The following GPD2 variants were observed in gnomAD, a reference collection of about 807,000 sequenced individuals.
GPD2 encodes the protein glycerol-3-phosphate dehydrogenase 2.
GPD2 carries 54 observed loss-of-function variants against 82.4 expected under a neutral mutation model. The observed-to-expected ratio is 0.66, with a 90% CI of 0.53 to 0.82. The LOEUF is 0.82. GPD2 is among the 40% of genes least tolerant of loss of function. The pLI is 0.00. For synonymous variants in GPD2, 288 were observed against 306.1 expected, an observed-to-expected ratio of 0.94 and a Z score of 0.62; for missense variants, 748 against 896.2, an observed-to-expected ratio of 0.83 and a Z score of 2.11.
At chr2:156,489,417 A>G (rs1329897345) in intron 2 of GPD2, among the ~76,000 whole-genome samples, 4 of 152,088 alleles carry the variant, frequency 2.6e-5, no homozygotes, top group Admixed American at 2.0e-4. Context: ...GCTAATGCCT[A>G]TTACTTTTTC....
chr2:156,552,442 C>T (rs138696122), intron 8 of GPD2, among the ~76,000 whole-genome samples: 3 of 152,224 alleles, frequency 2.0e-5, no homozygotes, highest in East Asian at 1.9e-4. Flanking sequence ...CTTTTGTGTT[C>T]GATTAAAAAT....
At chr2:156,497,288 G>A (rs1429644356) in intron 3 of GPD2, among the ~76,000 whole-genome samples, 1 of 152,120 alleles carries the variant, frequency 6.6e-6, no homozygotes, top group Non-Finnish European at 1.5e-5. Context: ...GACTTAGAAC[G>A]GTGCTTGTCA....
chr2:156,581,744 A>T (rs1688032331), intron 16 of GPD2, among the ~76,000 whole-genome samples: 1 of 152,048 alleles, frequency 6.6e-6, no homozygotes, highest in Non-Finnish European at 1.5e-5. Context: ...ACACTTTTGC[A>T]TGTAGGAGTC....
At chr2:156,444,538 C>T (rs550547447) in intron 1 of GPD2, among the ~76,000 whole-genome samples, 12 of 152,014 alleles carry the variant, frequency 7.9e-5, no homozygotes, top group African/African-American at 2.9e-4. Context: ...CGTGGCAAAA[C>T]CCTGTCTCTA....
chr2:156,483,203 A>G (rs1203955587), intron 2 of GPD2, among the ~76,000 whole-genome samples: 1 of 152,228 alleles, frequency 6.6e-6, no homozygotes, highest in Non-Finnish European at 1.5e-5. Context: ...ATTTATTTGA[A>G]TAGACCCCAA....
chr2:156,567,029 T>C (rs1364874290), intron 9 of GPD2, among the ~76,000 whole-genome samples: 1 of 152,128 alleles, frequency 6.6e-6, no homozygotes, highest in Non-Finnish European at 1.5e-5. Context: ...GAGAAATATT[T>C]ATTGAAGTCT....
At chr2:156,506,603 A>C (rs917395300) in intron 3 of GPD2, among the ~76,000 whole-genome samples, 1 of 151,800 alleles carries the variant, frequency 6.6e-6, no homozygotes, top group Non-Finnish European at 1.5e-5. Flanking sequence ...AAAAAAAAAA[A>C]TCCATCCTGA....
chr2:156,452,015 T>G (rs1488529105), intron 1 of GPD2, among the ~76,000 whole-genome samples: 1 of 149,122 alleles, frequency 6.7e-6, no homozygotes, highest in African/African-American at 2.5e-5. Flanking sequence ...GCAGAGATGC[T>G]TCTCTCTTCC....
the GPD2 span, among the ~76,000 whole-genome samples, chr2:156,412,628 A>G: frequency 2.2e-4 from 34 of 152,328 alleles, no homozygotes; most frequent in Non-Finnish European, 4.4e-4. Flanking sequence ...TAATGCACAT[A>G]AAGCTCTTCC....
chr2:156,567,644 A>G (rs1687440203), intron 9 of GPD2, among the ~76,000 whole-genome samples: 1 of 152,122 alleles, frequency 6.6e-6, no homozygotes, highest in African/African-American at 2.4e-5. Context: ...AGTAGTCTAT[A>G]TCATCAGGCA....
At chr2:156,579,329 CTTTT>C (rs59446199) in intron 15 of GPD2, among the ~76,000 whole-genome samples, 165 bp downstream of exon 15, 2 of 135,210 alleles carry the variant, frequency 1.5e-5, no homozygotes, top group Admixed American at 7.4e-5. Context: ...TTTTTTCTTT[CTTTT>C]TTTTTTTTTT....
At chr2:156,517,397 CAGAG>C (rs1386721995) in intron 6 of GPD2, among the ~76,000 whole-genome samples, 3 of 152,082 alleles carry the variant, frequency 2.0e-5, no homozygotes, top group African/African-American at 4.8e-5. Flanking sequence ...TAAATGCAGA[CAGAG>C]AGAATCTCAA....
the GPD2 span, among the ~76,000 whole-genome samples, chr2:156,408,102 T>C: frequency 2.0e-5 from 3 of 151,960 alleles, no homozygotes; most frequent in African/African-American, 4.8e-5. Context: ...ACTACAGGCA[T>C]GCGCCACCAC....
At chr2:156,431,885 C>CTTTTTTT (rs34394250), upstream of GPD2, among the ~76,000 whole-genome samples, 1 of 119,940 alleles carries the variant, frequency 8.3e-6, no homozygotes, top group Non-Finnish European at 1.7e-5. Context: ...TCTGTGAAAT[C>CTTTTTTT]TTTTTTTTTT....
rs536903074 is a variant in GPD2 at position 156,568,252 on chromosome 2, A to G, written c.1166-573A>G. Among the ~76,000 whole-genome samples, 72 of 152,224 alleles carry G rather than the reference A, an allele frequency of 4.7e-4. 1 individual carries two copies. The highest frequency in any genetic ancestry group is 1.6e-3 in the African/African-American group (68 of 41,556). ...TGTATGGTGAGAATAATAATAACCA[A>G]TGCTATAGGGCTTTGTGAGATTAAA... On this transcript the variant is annotated intron_variant, in intron 9 of 16. Coordinates refer to ENST00000438166, the MANE Select transcript of GPD2 (RefSeq NM_000408.5).
chr2:156,493,956 G>A (rs1400819952), intron 2 of GPD2, among the ~76,000 whole-genome samples: 1 of 124,372 alleles, frequency 8.0e-6, no homozygotes, highest in African/African-American at 2.7e-5. Context: ...GTGTGTGTGT[G>A]TGTATAATTT....
chr2:156,432,071 A>G (rs1308543300), upstream of GPD2, among the ~76,000 whole-genome samples: 1 of 151,952 alleles, frequency 6.6e-6, no homozygotes, highest in Non-Finnish European at 1.5e-5. Context: ...ATTTTTTACT[A>G]GAGACAAGGT....
the GPD2 span, among the ~76,000 whole-genome samples, chr2:156,426,016 C>A: frequency 2.0e-5 from 3 of 151,460 alleles, no homozygotes; most frequent in East Asian, 3.9e-4. Context: ...TCCGCCTCCC[C>A]GGTTCACGCC....
chr2:156,400,408 T>C, the GPD2 span, among the ~76,000 whole-genome samples: 1 of 152,220 alleles, frequency 6.6e-6, no homozygotes, highest in East Asian at 1.9e-4. Context: ...CTCCTGGATC[T>C]GCGCTGCCTG....
Sources: allele counts gnomAD v4.1 joint callset (sites outside exome capture counted in the v4.1 genomes callset), GRCh38; gene constraint gnomAD v4.1.1; transcripts MANE v1.5; gene names NCBI Gene and HGNC (gene_info 2026-07-23, HGNC 2026-07-21).